DNAJC1: variants seen among roughly 807,000 people sequenced by gnomAD.
DNAJC1 encodes the protein DnaJ heat shock protein family (Hsp40) member C1, also known as dnaJ homolog subfamily C member 1.
A neutral mutation model predicts 76.6 loss-of-function variants in DNAJC1; 58 were observed. The ratio of observed to expected loss-of-function variants is 0.76; its 90% CI spans 0.61 to 0.94. The LOEUF (loss-of-function observed/expected upper bound fraction) is 0.94. Ranked by LOEUF, DNAJC1 falls within the 40% of genes least tolerant of loss-of-function variation. The pLI is 0.00. For synonymous variants in DNAJC1, 258 were observed against 267.9 expected (o/e 0.96, Z 0.36); for missense variants, 689 against 677.3 (o/e 1.02, Z -0.19).
chr10:21,775,331 C>CTTTTTTTTTTTTTT (rs34444920), intron 9 of DNAJC1, among the ~76,000 whole-genome samples: 1 of 49,668 alleles, frequency 2.0e-5, no homozygotes, highest in African/African-American at 7.1e-5. Context: ...CTGCAAATGG[C>CTTTTTTTTTTTTTT]TTTTTTTTTT....
chr10:21,907,730 A>C (rs1177640639), intron 6 of DNAJC1, among the ~76,000 whole-genome samples: 1 of 151,514 alleles, frequency 6.6e-6, no homozygotes, highest in Non-Finnish European at 1.5e-5. Context: ...CAATCCTAGC[A>C]CTTCGGGAAG....
At chr10:21,995,080 T>G (rs1838394478) in intron 1 of DNAJC1, among the ~76,000 whole-genome samples, 1 of 151,914 alleles carries the variant, frequency 6.6e-6, no homozygotes, top group South Asian at 2.1e-4. Flanking sequence ...TGAAAATAAC[T>G]GCCAATAAGA....
chr10:21,956,949 TGC>T (rs1837697015), intron 1 of DNAJC1, among the ~76,000 whole-genome samples: 1 of 150,910 alleles, frequency 6.6e-6, no homozygotes, highest in Non-Finnish European at 1.5e-5. Flanking sequence ...CAGGCTACAG[TGC>T]AGCGATCTCG....
At chr10:21,920,105 C>A (rs534744195) in intron 4 of DNAJC1, among the ~76,000 whole-genome samples, 176 bp from the exon 5 acceptor site, 1 of 152,038 alleles carries the variant, frequency 6.6e-6, no homozygotes, top group South Asian at 2.1e-4. Flanking sequence ...GCCATGGTAT[C>A]CAGGCCTTAA....
intron 8 of DNAJC1, among the ~76,000 whole-genome samples, chr10:21,824,342 A>T (rs1395799433): frequency 2.6e-5 from 4 of 152,218 alleles, no homozygotes; most frequent in Non-Finnish European, 5.9e-5. Context: ...TGTTCTCAAT[A>T]CTAAATGCAC....
At chr10:21,905,593 C>T (rs1325098660) in intron 6 of DNAJC1, among the ~76,000 whole-genome samples, 2 of 152,100 alleles carry the variant, frequency 1.3e-5, no homozygotes, top group Non-Finnish European at 2.9e-5. Flanking sequence ...TGTAATTCTC[C>T]CTTGTACACT....
Position 21,931,641 on chromosome 10 carries a change from A to G in DNAJC1, c.223-2500T>C, listed in dbSNP as rs565034269. 8.5e-5 allele frequency among the ~76,000 whole-genome samples: 13 copies of G among 152,306 alleles called. No homozygotes were observed. In the East Asian group the frequency reaches 1.2e-3, roughly 14 times the overall value. On this transcript the variant is annotated intron_variant, in intron 1 of 11. Coordinates refer to ENST00000376980, the MANE Select transcript of DNAJC1 (RefSeq NM_022365.4). ...ACAACTATTACATCCTTGACCTGAT[A>G]AACTATATGGAACATGTCCACATAA...
intron 7 of DNAJC1, among the ~76,000 whole-genome samples, chr10:21,896,126 C>G (rs1836538086): frequency 6.6e-6 from 1 of 152,156 alleles, no homozygotes; most frequent in Non-Finnish European, 1.5e-5. Flanking sequence ...CTGCTAGAGA[C>G]AGCCCCAACT....
At chr10:21,807,503 T>C (rs1834897077) in intron 8 of DNAJC1, among the ~76,000 whole-genome samples, 1 of 152,200 alleles carries the variant, frequency 6.6e-6, no homozygotes, top group African/African-American at 2.4e-5. Flanking sequence ...CAAAGTGCAT[T>C]GCCCCTGTTA....
Position 21,775,207 on chromosome 10 carries a change from T to C in DNAJC1, c.1099-8898A>G, listed in dbSNP as rs546449940. ...TACAACTTACAACAGGTTCGTTAGA[T>C]AGCAGCAAAGCACAGTCGATTTTCC... On this transcript the variant is annotated intron_variant, in intron 9 of 11. Transcript: ENST00000376980. Among the ~76,000 whole-genome samples, 35 of 152,202 alleles carry C rather than the reference T, an allele frequency of 2.3e-4. No individual in the cohort carries two copies. In the South Asian group the frequency reaches 5.6e-3, roughly 24 times the overall value.
intron 8 of DNAJC1, among the ~76,000 whole-genome samples, chr10:21,826,512 A>G (rs973931396): frequency 1.3e-5 from 2 of 152,128 alleles, no homozygotes; most frequent in Non-Finnish European, 2.9e-5. Context: ...ATTTTGATGA[A>G]ATCTAAGTTA....
chr10:21,934,645 G>A (rs1186842716), intron 1 of DNAJC1, among the ~76,000 whole-genome samples: 2 of 152,156 alleles, frequency 1.3e-5, no homozygotes, highest in African/African-American at 4.8e-5. Flanking sequence ...ACTGCCTACA[G>A]TGTTCAGTAC....
chr10:21,918,375 GTT>G (rs11440840), intron 6 of DNAJC1, among the ~76,000 whole-genome samples: 6 of 138,996 alleles, frequency 4.3e-5, no homozygotes, highest in East Asian at 2.1e-4. Context: ...TTCATGTAAA[GTT>G]TTTTTTTTTT....
At chr10:21,875,479 T>A (rs1414756442) in intron 8 of DNAJC1, among the ~76,000 whole-genome samples, 2 of 152,174 alleles carry the variant, frequency 1.3e-5, no homozygotes, top group African/African-American at 4.8e-5. Context: ...ACAATTTCAA[T>A]GATGAAATAA....
chr10:21,776,667 CTTG>C (rs1834456979), intron 9 of DNAJC1, among the ~76,000 whole-genome samples: 1 of 152,096 alleles, frequency 6.6e-6, no homozygotes, highest in African/African-American at 2.4e-5. Context: ...GGTGCTCATT[CTTG>C]TTATTTCTCT....
chr10:21,946,188 G>T, intron 1 of DNAJC1, among the ~76,000 whole-genome samples: 1 of 150,582 alleles, frequency 6.6e-6, no homozygotes, highest in East Asian at 2.0e-4. Context: ...CTACAGGTGT[G>T]TGCCACCACG....
chr10:21,881,357 G>T (rs749976141), intron 8 of DNAJC1, among the ~76,000 whole-genome samples: 4 of 152,122 alleles, frequency 2.6e-5, no homozygotes, highest in Non-Finnish European at 5.9e-5. Flanking sequence ...CTAACTGTTT[G>T]GTGCAAGAGG....
chr10:21,875,731 C>T (rs866755015), intron 8 of DNAJC1, among the ~76,000 whole-genome samples: 1 of 152,140 alleles, frequency 6.6e-6, no homozygotes, highest in African/African-American at 2.4e-5. Flanking sequence ...TTCAGACCAG[C>T]CTGGCCAACA....
chr10:21,851,682 C>T (rs533109627), intron 8 of DNAJC1, among the ~76,000 whole-genome samples: 4 of 152,158 alleles, frequency 2.6e-5, no homozygotes, highest in Admixed American at 6.5e-5. Context: ...ACCATACACA[C>T]ATTTGTAGCA....
Sources: gnomAD v4.1 joint callset for allele counts (sites outside exome capture counted in the v4.1 genomes callset) on GRCh38, gnomAD v4.1.1 for gene constraint, MANE v1.5 for transcripts, NCBI Gene and HGNC (gene_info 2026-07-23, HGNC 2026-07-21) for gene names.